MAD1L1: variants seen among roughly 807,000 people sequenced by gnomAD.
The protein encoded by MAD1L1 is mitotic arrest deficient 1 like 1.
A neutral mutation model predicts 96.9 loss-of-function variants in MAD1L1; 95 were observed. That is an observed-to-expected ratio of 0.98 (90% confidence interval 0.83 to 1.16). MAD1L1 has a LOEUF of 1.16. Among genes scored for constraint, MAD1L1 ranks in the 50% most tolerant of loss-of-function variants. MAD1L1 has a pLI of 0.00. For synonymous variants in MAD1L1, 473 were observed against 396.6 expected (o/e 1.19, Z -2.29); for missense variants, 1,007 against 954.4 (o/e 1.06, Z -0.73).
chr7:1,922,906 T>C (rs1335102401), intron 17 of MAD1L1, among the ~76,000 whole-genome samples: 1 of 152,246 alleles, frequency 6.6e-6, no homozygotes, highest in Non-Finnish European at 1.5e-5. Context: ...GCTGACGCGA[T>C]GGATTGTACC....
At chr7:2,191,714 A>C (rs1791727250) in intron 10 of MAD1L1, among the ~76,000 whole-genome samples, 1 of 149,656 alleles carries the variant, frequency 6.7e-6, no homozygotes, top group Non-Finnish European at 1.5e-5. Context: ...CTGGGCCACA[A>C]AGCAAGACTC....
chr7:1,951,860 C>T (rs1415120668), intron 16 of MAD1L1, among the ~76,000 whole-genome samples: 2 of 152,192 alleles, frequency 1.3e-5, no homozygotes, highest in Non-Finnish European at 2.9e-5. Context: ...CGCTGGGGTG[C>T]GCTCACCTCT....
At chr7:2,143,014 C>A (rs1377228251) in intron 11 of MAD1L1, among the ~76,000 whole-genome samples, 2 of 152,182 alleles carry the variant, frequency 1.3e-5, no homozygotes, top group Non-Finnish European at 2.9e-5. Flanking sequence ...TTACCCCTGC[C>A]ATGCCCTGAA....
At chr7:1,929,156 C>T (rs1209879066) in intron 17 of MAD1L1, among the ~76,000 whole-genome samples, 1 of 152,108 alleles carries the variant, frequency 6.6e-6, no homozygotes, top group African/African-American at 2.4e-5. Flanking sequence ...CTCCCTCCTC[C>T]CCTCCCGGGC....
At chr7:2,181,533 A>G (rs369495612) in intron 10 of MAD1L1, among the ~76,000 whole-genome samples, 8 of 152,256 alleles carry the variant, frequency 5.3e-5, no homozygotes, top group African/African-American at 1.9e-4. Flanking sequence ...AAAGTCAAAA[A>G]ATAACAGATG....
At position 2,149,210 on chromosome 7, in the gene MAD1L1, C is replaced by A; in HGVS notation, c.1015G>T (p.Val339Phe). The A allele has an allele frequency of 6.2e-7, 1 of 1,614,120 alleles. No individual in the cohort carries two copies. Among genetic ancestry groups the A allele is most frequent in the African/African-American group, 1.3e-5 (1 of 75,048 alleles). ...GCAAGCTCCCTCTGCTGCAGCTCAA[C>A]CACGAATCTGGAAAGGTCTTCTGGA... ...RTPEDLSRFV[V>F]ELQQRELALK... is the part of the protein sequence containing the mutation. Residue 339 changes from valine (V) to phenylalanine (F), a missense_variant, in exon 11 of 19, where the codon GTT (valine) becomes TTT (phenylalanine). Val to Phe is a conservative substitution (Grantham distance 50, BLOSUM62 -1). Coordinates refer to ENST00000265854, the MANE Select transcript of MAD1L1 (RefSeq NM_001013836.2).
chr7:1,901,533 G>C (rs1201943067), intron 17 of MAD1L1, among the ~76,000 whole-genome samples: 3 of 152,238 alleles, frequency 2.0e-5, no homozygotes, highest in Admixed American at 2.0e-4. Flanking sequence ...TGCAACAGCA[G>C]TGCATGGGCT....
rs189109104 is a variant in MAD1L1, at chr7:1,883,372, A to G, written c.1998+14828T>C. On this transcript the variant is annotated intron_variant, in intron 18 of 18. Transcript: ENST00000265854. ...CCTTAACACCAAACTGTGACTCACAAACGGCCCCGGGGATGAGCTCCCTTT... is the reference window on the plus strand; with the variant it reads ...CCTTAACACCAAACTGTGACTCACAGACGGCCCCGGGGATGAGCTCCCTTT... Among the ~76,000 whole-genome samples, 358 of 152,286 alleles carry G rather than the reference A, an allele frequency of 2.4e-3. 4 individuals carry two copies. Among genetic ancestry groups the G allele is most frequent in the Non-Finnish European group, 3.0e-3 (207 of 68,014 alleles).
chr7:1,884,033 G>C (rs185554918), intron 18 of MAD1L1, among the ~76,000 whole-genome samples: 5 of 151,634 alleles, frequency 3.3e-5, no homozygotes, highest in Admixed American at 3.3e-4. Context: ...GCATCTGACC[G>C]CTCCATCCTC....
At chr7:1,878,066 T>C (rs1785475011) in intron 18 of MAD1L1, among the ~76,000 whole-genome samples, 1 of 152,140 alleles carries the variant, frequency 6.6e-6, no homozygotes, top group Non-Finnish European at 1.5e-5. Context: ...TTTATGCCAA[T>C]AAATTTGACA....
intron 11 of MAD1L1, among the ~76,000 whole-genome samples, chr7:2,135,232 C>T (rs1788695424): frequency 6.6e-6 from 1 of 152,216 alleles, no homozygotes; most frequent in Non-Finnish European, 1.5e-5. Context: ...CTTCTTCCAA[C>T]TGCACACCTG....
chr7:2,231,828 C>T (rs1794207077), intron 1 of MAD1L1, among the ~76,000 whole-genome samples: 1 of 152,046 alleles, frequency 6.6e-6, no homozygotes, highest in Non-Finnish European at 1.5e-5. Context: ...TCAGTTTCCT[C>T]ATCTGTAAAC....
chr7:1,881,274 A>C (rs1021085724), intron 18 of MAD1L1, among the ~76,000 whole-genome samples: 2 of 152,298 alleles, frequency 1.3e-5, no homozygotes, highest in South Asian at 4.1e-4. Context: ...CTAGTGTTCC[A>C]TTATTGGAAC....
At chr7:1,858,605 T>C (rs542365115) in intron 18 of MAD1L1, among the ~76,000 whole-genome samples, 164 of 152,284 alleles carry the variant, frequency 1.1e-3, no homozygotes, top group African/African-American at 3.8e-3. Context: ...CGGTGCCTCC[T>C]CCTACCTGGC....
intron 11 of MAD1L1, among the ~76,000 whole-genome samples, chr7:2,100,341 T>C (rs1178687324): frequency 6.6e-6 from 1 of 152,236 alleles, no homozygotes; most frequent in Non-Finnish European, 1.5e-5. Context: ...CTTTTGACCT[T>C]GAGCCTTCTG....
chr7:2,033,606 G>C (rs930892747), intron 12 of MAD1L1, among the ~76,000 whole-genome samples: 1 of 152,230 alleles, frequency 6.6e-6, no homozygotes, highest in Non-Finnish European at 1.5e-5. Context: ...CAGAAGAAAC[G>C]TAACTGACAA....
chr7:1,920,916 C>G (rs1285417703), intron 17 of MAD1L1, among the ~76,000 whole-genome samples: 2 of 152,220 alleles, frequency 1.3e-5, no homozygotes, highest in African/African-American at 4.8e-5. Flanking sequence ...GACATCCGGT[C>G]CAGACAGAAA....
chr7:2,053,369 C>T (rs1192126083), intron 12 of MAD1L1, among the ~76,000 whole-genome samples: 1 of 152,184 alleles, frequency 6.6e-6, no homozygotes, highest in Admixed American at 6.5e-5. Flanking sequence ...CCAAAGGCCT[C>T]AGCACCTCCT....
At chr7:1,905,246 G>C (rs1164128770) in intron 17 of MAD1L1, among the ~76,000 whole-genome samples, 7 of 96,884 alleles carry the variant, frequency 7.2e-5, no homozygotes, top group Non-Finnish European at 9.2e-5. Context: ...AGGCAGCGAG[G>C]ACGCAGTGGC....
Sources: gnomAD v4.1 joint callset for allele counts (sites outside exome capture counted in the v4.1 genomes callset) on GRCh38, gnomAD v4.1.1 for gene constraint, MANE v1.5 for transcripts, NCBI Gene and HGNC (gene_info 2026-07-23, HGNC 2026-07-21) for gene names.